Variants in SYNJ1 observed in about 807,000 individuals in gnomAD.
SYNJ1 encodes synaptojanin 1, also known as polyphosphatidylinositol phosphatase SYNJ1.
In SYNJ1, 78 loss-of-function variants were observed where a neutral mutation model predicts 168.2. The observed-to-expected ratio is 0.46, with a 90% CI of 0.39 to 0.56. The LOEUF is 0.56. Ranked by LOEUF, SYNJ1 falls within the 20% of genes least tolerant of loss-of-function variation. The pLI is 0.00. For missense variants in SYNJ1, 1,303 were observed against 1,597.6 expected (o/e 0.82, Z 3.14); for synonymous variants, 539 against 548.6 (o/e 0.98, Z 0.24).
Position 32,678,667 on chromosome 21 carries a change from A to C in SYNJ1, c.1488T>G (p.Leu496=). ...NSDLADKARA[L]LTTGSLRVSE... is the part of the protein sequence containing the mutation. ...TACCACGCAAACTTCCAGTAGTTAA[A>C]AGTGCTCGAGCTTTGTCAGCTAAAT... Residue 496 remains leucine, a synonymous_variant, in exon 12 of 33, where the codon CTT becomes CTG. Transcript: ENST00000674351. 2 of 1,608,716 alleles carry C rather than the reference A, an allele frequency of 1.2e-6. No homozygotes were observed. The highest frequency in any genetic ancestry group is 1.7e-6 in the Non-Finnish European group (2 of 1,178,674).
intron 7 of SYNJ1, among the ~76,000 whole-genome samples, chr21:32,687,492 G>A (rs2041876716): frequency 1.3e-5 from 2 of 152,116 alleles, no homozygotes; most frequent in African/African-American, 4.8e-5. Flanking sequence ...AGAAAAATGG[G>A]CCCCAAATAC....
intron 2 of SYNJ1, among the ~76,000 whole-genome samples, chr21:32,716,665 G>GA (rs1242681965): frequency 6.6e-6 from 1 of 152,066 alleles, no homozygotes; most frequent in East Asian, 1.9e-4. Flanking sequence ...TAGCTTCTTG[G>GA]ATATGTGGAT....
intron 26 of SYNJ1, among the ~76,000 whole-genome samples, chr21:32,644,550 C>A (rs1674708788): frequency 6.6e-6 from 1 of 152,152 alleles, no homozygotes. Context: ...ATAAACTATA[C>A]TTCAAACAAA....
intron 26 of SYNJ1, 91 bp from the exon 27 acceptor site, chr21:32,643,548 T>A (rs1423688324): frequency 5.9e-6 from 8 of 1,344,584 alleles, no homozygotes; most frequent in Non-Finnish European, 8.4e-6. Flanking sequence ...CATAGTAAAC[T>A]CACTTTTGCA....
chr21:32,643,756 A>G (rs1437525337), intron 26 of SYNJ1, among the ~76,000 whole-genome samples: 1 of 152,240 alleles, frequency 6.6e-6, no homozygotes, highest in East Asian at 1.9e-4. Context: ...CTTTGCTTTA[A>G]AAATCATCTT....
intron 4 of SYNJ1, among the ~76,000 whole-genome samples, chr21:32,696,262 G>A (rs1339352521): frequency 1.3e-5 from 2 of 152,150 alleles, no homozygotes; most frequent in East Asian, 3.8e-4. Context: ...GCAGGCATAG[G>A]GTTTATCATC....
intron 12 of SYNJ1, among the ~76,000 whole-genome samples, chr21:32,678,212 AAAGTT>A (rs1268907176): frequency 6.6e-6 from 1 of 152,242 alleles, no homozygotes; most frequent in Non-Finnish European, 1.5e-5. Flanking sequence ...ATAGCAATTA[AAAGTT>A]AAGACCAAGT....
chr21:32,680,730 C>T (rs1035253833), intron 11 of SYNJ1, among the ~76,000 whole-genome samples: 17 of 152,058 alleles, frequency 1.1e-4, no homozygotes, highest in Admixed American at 2.0e-4. Flanking sequence ...ATTCTCATGC[C>T]TCAAACTCCC....
intron 6 of SYNJ1, among the ~76,000 whole-genome samples, chr21:32,692,506 G>A (rs2042061615): frequency 6.6e-6 from 1 of 152,144 alleles, no homozygotes; most frequent in East Asian, 1.9e-4. Flanking sequence ...ACCCTGGGAG[G>A]CGGAGGTTGC....
intron 2 of SYNJ1, among the ~76,000 whole-genome samples, chr21:32,708,548 G>A (rs921954637): frequency 6.6e-6 from 1 of 152,210 alleles, no homozygotes; most frequent in Non-Finnish European, 1.5e-5. Context: ...CATCAAGATC[G>A]ACAGCAGTTC....
Position 32,653,325 on chromosome 21 carries a change from C to A in SYNJ1, c.2837G>T (p.Ser946Ile). 1 of 1,613,876 alleles carries A rather than the reference C, an allele frequency of 6.2e-7. No individual in the cohort carries two copies. The highest frequency in any genetic ancestry group is 8.5e-7 in the Non-Finnish European group (1 of 1,179,848). The change falls in exon 22 of 33, where the codon AGC (serine) becomes ATC (isoleucine). Residue 946 changes from serine to isoleucine, a missense_variant. Coordinates refer to ENST00000674351, the MANE Select transcript of SYNJ1 (RefSeq NM_203446.3). The stretch of plus-strand genomic sequence containing the variant: ...TAGGCTCAGAACATTCAAGGCAGAG[C>A]TTCCCTCCAAAAATGTAACCCACAT... The part of the protein sequence containing the change: ...DKMWVTFLEG[S>I]SALNVLSLNG...
At chr21:32,640,468 T>G (rs1036917064) in intron 29 of SYNJ1, among the ~76,000 whole-genome samples, 27 of 151,830 alleles carry the variant, frequency 1.8e-4, no homozygotes, top group African/African-American at 6.3e-4. Context: ...GCTAATTTTT[T>G]GTATTTTTAG....
intron 2 of SYNJ1, among the ~76,000 whole-genome samples, chr21:32,723,982 G>A (rs566459674): frequency 6.6e-6 from 1 of 151,968 alleles, no homozygotes; most frequent in East Asian, 1.9e-4. Context: ...GGACTGACAG[G>A]CTCAGATTAG....
rs751909522 is a variant in SYNJ1 at position 32,631,251 on chromosome 21, T to A, written c.*554A>T. The A allele has an allele frequency of 1.2e-6, 2 of 1,614,086 alleles. No individual in the cohort carries two copies. Among genetic ancestry groups the A allele is most frequent in the African/African-American group, 2.7e-5 (2 of 74,936 alleles). On this transcript the variant is annotated 3_prime_UTR_variant, in exon 33 of 33. Transcript: ENST00000674351. The stretch of plus-strand genomic sequence containing the variant: ...CTTTGACTTCCCTTTCACACCAAAA[T>A]CCTCTTCTTCCTCGAAGGTTACCCA...
intron 32 of SYNJ1, among the ~76,000 whole-genome samples, chr21:32,632,361 ATT>A (rs2039366971): frequency 6.6e-6 from 1 of 151,482 alleles, no homozygotes; most frequent in Non-Finnish European, 1.5e-5. Flanking sequence ...GGAAAAATAA[ATT>A]TTGAGAGTTC....
At chr21:32,669,531 A>G (rs1009303296) in intron 15 of SYNJ1, among the ~76,000 whole-genome samples, 1 of 152,198 alleles carries the variant, frequency 6.6e-6, no homozygotes, top group Admixed American at 6.5e-5. Context: ...TGACCAATAC[A>G]TGATGTTACA....
intron 18 of SYNJ1, among the ~76,000 whole-genome samples, chr21:32,661,651 C>T (rs917654474): frequency 4.6e-5 from 7 of 152,098 alleles, no homozygotes; most frequent in East Asian, 1.9e-4. Flanking sequence ...AAAGGTGGAG[C>T]GAATGAATCA....
At chr21:32,632,552 A>AT (rs2039380697) in intron 32 of SYNJ1, among the ~76,000 whole-genome samples, 1 of 152,002 alleles carries the variant, frequency 6.6e-6, no homozygotes, top group South Asian at 2.1e-4. Flanking sequence ...GGTCTAGCTA[A>AT]TTTTTTGTAT....
Position 32,642,121 on chromosome 21 carries a change from G to A in SYNJ1, c.3491C>T (p.Pro1164Leu), listed in dbSNP as rs1357583024. Reference protein sequence around the residue: ...ARREMEAPKSPGTTRKDNIGR... With the variant: ...ARREMEAPKSLGTTRKDNIGR... ...TATATTATCTTTCCTTGTTGTTCCA[G>A]GGCTTTTGGGTGCTTTGAAGCAAGA... Residue 1164 changes from proline (P) to leucine (L), a missense_variant, in exon 28 of 33, where the codon CCT becomes CTT. Coordinates refer to ENST00000674351, the MANE Select transcript of SYNJ1 (RefSeq NM_203446.3). The A allele has an allele frequency of 6.2e-7, 1 of 1,614,002 alleles. No homozygotes were observed. Among genetic ancestry groups the A allele is most frequent in the Non-Finnish European group, 8.5e-7 (1 of 1,180,010 alleles).
Sources: gnomAD v4.1 joint callset for allele counts (sites outside exome capture counted in the v4.1 genomes callset) on GRCh38, gnomAD v4.1.1 for gene constraint, MANE v1.5 for transcripts, NCBI Gene and HGNC (gene_info 2026-07-23, HGNC 2026-07-21) for gene names.